Variants in PPP3CB observed in about 807,000 individuals in gnomAD.
PPP3CB encodes protein phosphatase 3 catalytic subunit beta, also known as serine/threonine-protein phosphatase 2B catalytic subunit beta isoform.
Under a neutral mutation model 66.4 loss-of-function variants are expected in PPP3CB, and 8 were observed. The ratio of observed to expected loss-of-function variants is 0.12; its 90% CI spans 0.07 to 0.22. The LOEUF is 0.22. Among genes scored for constraint, PPP3CB ranks in the 10% least tolerant of loss-of-function variants. The pLI, the probability that PPP3CB is intolerant of heterozygous loss-of-function variation, is 1.00. For synonymous variants in PPP3CB, 208 were observed against 221.2 expected (o/e 0.94, Z 0.53); for missense variants, 319 against 642.5 (o/e 0.50, Z 5.44).
chr10:73,487,873 A>C (rs2057010517), intron 1 of PPP3CB, among the ~76,000 whole-genome samples: 1 of 150,820 alleles, frequency 6.6e-6, no homozygotes, highest in Non-Finnish European at 1.5e-5. Context: ...CCTGCCTCCC[A>C]GGTTCAAGCG....
chr10:73,438,482 ATAAT>A (rs2056099769), intron 13 of PPP3CB, 62 bp from the exon 14 acceptor site: 12 of 1,425,254 alleles, frequency 8.4e-6, no homozygotes, highest in Non-Finnish European at 1.1e-5. Flanking sequence ...TTTCAAAAAC[ATAAT>A]TAATGATTTT....
intron 1 of PPP3CB, among the ~76,000 whole-genome samples, chr10:73,480,440 ATTTTTT>A (rs57553384): frequency 8.1e-6 from 1 of 123,932 alleles, no homozygotes; most frequent in African/African-American, 3.1e-5. Context: ...TATCCCTGTA[ATTTTTT>A]TTTTTTTTTT....
intron 1 of PPP3CB, among the ~76,000 whole-genome samples, chr10:73,491,408 C>T (rs1324214885): frequency 1.3e-5 from 2 of 150,892 alleles, no homozygotes; most frequent in Non-Finnish European, 1.5e-5. Flanking sequence ...CAAGTGATCC[C>T]CCCGCCTCGG....
intron 1 of PPP3CB, among the ~76,000 whole-genome samples, chr10:73,484,320 A>T (rs1331242447): frequency 6.6e-6 from 1 of 151,250 alleles, no homozygotes; most frequent in South Asian, 2.1e-4. Flanking sequence ...CCCAGGCTGG[A>T]GTGCAGTGGC....
intron 10 of PPP3CB, among the ~76,000 whole-genome samples, chr10:73,449,928 TG>T (rs1313085526): frequency 2.0e-5 from 3 of 152,080 alleles, no homozygotes; most frequent in African/African-American, 7.2e-5. Context: ...TCAAAATAGC[TG>T]GGACTACAGG....
intron 3 of PPP3CB, among the ~76,000 whole-genome samples, chr10:73,476,259 T>A (rs1299662442): frequency 6.6e-6 from 1 of 152,194 alleles, no homozygotes; most frequent in South Asian, 2.1e-4. Context: ...AGGGAAATAA[T>A]CTGTTCTCGA....
At position 73,438,016 on chromosome 10, in the gene PPP3CB, C is replaced by G; in HGVS notation, c.*226G>C. 2.4e-6 allele frequency: 1 copy of G among 415,528 alleles called. No individual in the cohort carries two copies. The highest frequency in any genetic ancestry group is 4.2e-6 in the Non-Finnish European group (1 of 237,778). 25.7% of individuals were successfully genotyped at this position (415,528 alleles called of 1,614,324 possible). A position where few individuals can be genotyped will look rare whatever the true frequency, so the allele number is the denominator to read the frequency against. On this transcript the variant is annotated 3_prime_UTR_variant, in exon 14 of 14. Coordinates refer to ENST00000360663, the MANE Select transcript of PPP3CB (RefSeq NM_021132.4). ...CTCCACTGGAAATTGCCCCAAGCCC[C>G]TTGCTCACTGCTCTCCACCTTGGCA...
chr10:73,456,712 T>C (rs1469583640), intron 9 of PPP3CB, among the ~76,000 whole-genome samples: 33 of 152,036 alleles, frequency 2.2e-4, no homozygotes, highest in Admixed American at 2.2e-3. Flanking sequence ...ATCAAACACC[T>C]AATGTAAGAA....
intron 12 of PPP3CB, among the ~76,000 whole-genome samples, chr10:73,442,067 T>C (rs992485988): frequency 6.6e-6 from 1 of 152,236 alleles, no homozygotes; most frequent in Non-Finnish European, 1.5e-5. Flanking sequence ...AGCTTTTGTA[T>C]GACCTTTGTT....
intron 9 of PPP3CB, among the ~76,000 whole-genome samples, chr10:73,457,501 G>A (rs965556131): frequency 6.6e-6 from 1 of 152,010 alleles, no homozygotes. Context: ...CATTTCAGGA[G>A]GCTGAGCAGG....
intron 9 of PPP3CB, among the ~76,000 whole-genome samples, chr10:73,456,308 T>C (rs77020387): frequency 0.047 from 7,097 of 152,226 alleles, 506 homozygotes; most frequent in African/African-American, 0.15. Context: ...CTGCAAAAGG[T>C]TGATGGAAAA....
At chr10:73,477,723 C>T (rs947825897) in intron 3 of PPP3CB, among the ~76,000 whole-genome samples, 2 of 152,046 alleles carry the variant, frequency 1.3e-5, no homozygotes, top group Non-Finnish European at 2.9e-5. Flanking sequence ...TCAAGACCAG[C>T]CTGGGCAACA....
chr10:73,486,620 T>G (rs992057603), intron 1 of PPP3CB, among the ~76,000 whole-genome samples: 2 of 152,132 alleles, frequency 1.3e-5, no homozygotes, highest in Non-Finnish European at 2.9e-5. Context: ...CTTCTTTAGC[T>G]CTACACAGAA....
chr10:73,481,635 C>CAAAAAAAAAAAACA (rs924347498), intron 1 of PPP3CB, among the ~76,000 whole-genome samples: 4 of 137,196 alleles, frequency 2.9e-5, no homozygotes, highest in African/African-American at 7.9e-5. Context: ...TAAAAAAAAA[C>CAAAAAAAAAAAACA]AAAAAAAAAA....
chr10:73,466,254 T>G (rs918478419), intron 9 of PPP3CB, among the ~76,000 whole-genome samples: 1 of 152,196 alleles, frequency 6.6e-6, no homozygotes, highest in Non-Finnish European at 1.5e-5. Flanking sequence ...CTCTATTTCT[T>G]TCCTTGTTTA....
At chr10:73,475,074 T>C in intron 3 of PPP3CB, 44 bp from the exon 4 acceptor site, 1 of 1,592,302 alleles carries the variant, frequency 6.3e-7, no homozygotes, top group Non-Finnish European at 8.5e-7. Flanking sequence ...TGTACTTTTG[T>C]TTAATGAAGC....
At chr10:73,467,779 A>G in intron 8 of PPP3CB, 101 bp from the exon 9 acceptor site, 1 of 1,167,302 alleles carries the variant, frequency 8.6e-7, no homozygotes, top group Non-Finnish European at 1.2e-6. Flanking sequence ...TATTAAGAGG[A>G]AGGGAGATCG....
Position 73,438,210 on chromosome 10 carries a change from C to A in PPP3CB, c.*32G>T, listed in dbSNP as rs765283946. ...CTCGGGTGATCTGTCCATTTGGGGCCCGAGATGTGAGAGTCCCTGGGAAGT... is the reference window on the plus strand; with the variant it reads ...CTCGGGTGATCTGTCCATTTGGGGCACGAGATGTGAGAGTCCCTGGGAAGT... On this transcript the variant is annotated 3_prime_UTR_variant, in exon 14 of 14. Coordinates refer to ENST00000360663, the MANE Select transcript of PPP3CB (RefSeq NM_021132.4). The A allele has an allele frequency of 2.5e-6, 4 of 1,599,052 alleles. No individual in the cohort carries two copies. In the African/African-American group the frequency reaches 4.0e-5, roughly 16 times the overall value.
chr10:73,445,285 A>AAT (rs1412130419), intron 11 of PPP3CB, among the ~76,000 whole-genome samples: 2 of 152,108 alleles, frequency 1.3e-5, no homozygotes, highest in African/African-American at 2.4e-5. Flanking sequence ...GAATACTCTA[A>AAT]AAAGTATCCC....
Sources: gnomAD v4.1 joint callset for allele counts (sites outside exome capture counted in the v4.1 genomes callset) on GRCh38, gnomAD v4.1.1 for gene constraint, MANE v1.5 for transcripts, NCBI Gene and HGNC (gene_info 2026-07-23, HGNC 2026-07-21) for gene names.